ENTPD4: variants seen among roughly 807,000 people sequenced by gnomAD.
ENTPD4 encodes the protein Golgi UDPase.
Under a neutral mutation model 79.1 loss-of-function variants are expected in ENTPD4, and 60 were observed. The observed-to-expected ratio is 0.76, with a 90% CI of 0.62 to 0.94. The LOEUF is 0.94. Ranked by LOEUF, ENTPD4 falls within the 40% of genes least tolerant of loss-of-function variation. The pLI, the probability that ENTPD4 is intolerant of heterozygous loss-of-function variation, is 0.00. For missense variants in ENTPD4, 772 were observed against 775.1 expected (o/e 1.00, Z 0.05); for synonymous variants, 276 against 292.0 (o/e 0.95, Z 0.56).
At position 23,431,068 on chromosome 8, in the gene ENTPD4, AT is replaced by A; in HGVS notation, c.*1857del. ...AGCTCTTGCCTCAAGGATCAGATGC[AT>A]TTTACCTTCCAGAGACGCAGGTTAA... On this transcript the variant is annotated 3_prime_UTR_variant, in exon 13 of 13. Transcript: ENST00000358689. 1.3e-6 allele frequency: 1 copy of A among 781,840 alleles called. No individual in the cohort carries two copies. Among genetic ancestry groups the A allele is most frequent in the Non-Finnish European group, 1.6e-6 (1 of 644,216 alleles). 48.4% of individuals were successfully genotyped at this position (781,840 alleles called of 1,614,324 possible).
At chr8:23,435,235 G>C (rs1335329930) in intron 11 of ENTPD4, among the ~76,000 whole-genome samples, 157 bp downstream of exon 11, 2 of 152,192 alleles carry the variant, frequency 1.3e-5, no homozygotes. Flanking sequence ...ATATGTCTGG[G>C]CACAAGTATT....
rs555545460 is a variant in ENTPD4, at chr8:23,435,396, G to C, written c.1456C>G (p.Leu486Val). ...LYASHADLHR[L>V]KYQCFKSAWM... The stretch of plus-strand genomic sequence containing the variant: ...GCTTGACCTTCTAGTACTTACTTAA[G>C]CCTGTGGAGGTCAGCATGAGAGGCG... Residue 486 changes from leucine (L) to valine (V), a missense_variant, in exon 11 of 13, where the codon CTT becomes GTT. Transcript: ENST00000358689. 5 of 1,612,280 alleles carry C rather than the reference G, an allele frequency of 3.1e-6. No homozygotes were observed. The highest frequency in any genetic ancestry group is 1.7e-5 in the Admixed American group (1 of 60,006).
At chr8:23,450,608 T>A (rs532120436) in intron 1 of ENTPD4, among the ~76,000 whole-genome samples, 1 of 152,350 alleles carries the variant, frequency 6.6e-6, no homozygotes, top group African/African-American at 2.4e-5. Context: ...TCTCGTCTGG[T>A]CTGCTTCTGA....
chr8:23,440,303 G>T (rs936841595), intron 8 of ENTPD4, among the ~76,000 whole-genome samples: 3 of 152,146 alleles, frequency 2.0e-5, no homozygotes, highest in African/African-American at 7.2e-5. Flanking sequence ...GCAAGGGAAG[G>T]TTAGTTACAG....
intron 4 of ENTPD4, among the ~76,000 whole-genome samples, chr8:23,444,985 T>G (rs1014443996): frequency 6.6e-6 from 1 of 152,138 alleles, no homozygotes; most frequent in Non-Finnish European, 1.5e-5. Flanking sequence ...CAGCACTCAT[T>G]AGCCTCCAGG....
rs1183236446 is a variant in ENTPD4, at chr8:23,430,284, G to A, written c.*2642C>T. On this transcript the variant is annotated 3_prime_UTR_variant, in exon 13 of 13. Transcript: ENST00000358689. ...GTGGTCTCTTTTTAAACAATTTTGG[G>A]TGAGGGGCAGGTTTCTTGGTTTGTT... 6 of 985,312 alleles carry A rather than the reference G, an allele frequency of 6.1e-6. No homozygotes were observed. The highest frequency in any genetic ancestry group is 6.1e-5 in the Admixed American group (1 of 16,264). 61.0% of individuals were successfully genotyped at this position (985,312 alleles called of 1,614,324 possible). A position where few individuals can be genotyped will look rare whatever the true frequency, so the allele number is the denominator to read the frequency against.
chr8:23,444,876 G>A (rs537687013), intron 4 of ENTPD4, among the ~76,000 whole-genome samples: 6 of 152,164 alleles, frequency 3.9e-5, no homozygotes, highest in Admixed American at 3.3e-4. Context: ...GCCTGCCCTC[G>A]AGAAACGTGC....
rs1373290551 is a variant in ENTPD4, at chr8:23,430,753, A to T, written c.*2173T>A. 2 of 985,556 alleles carry T rather than the reference A, an allele frequency of 2.0e-6. No individual in the cohort carries two copies. 61.1% of individuals were successfully genotyped at this position (985,556 alleles called of 1,614,324 possible). A position where few individuals can be genotyped will look rare whatever the true frequency, so the allele number is the denominator to read the frequency against. ...TAACTCCCTGGGTGCCCACCTGCCC[A>T]CTTCAACCATTTGTGGCCCCTTCCT... On this transcript the variant is annotated 3_prime_UTR_variant, in exon 13 of 13. Coordinates refer to ENST00000358689, the MANE Select transcript of ENTPD4 (RefSeq NM_004901.5).
chr8:23,448,862 G>T lies in ENTPD4; in HGVS notation c.86C>A (p.Thr29Asn). Residue 29 changes from threonine (T) to asparagine (N), a missense_variant, in exon 3 of 13, where the codon ACC becomes AAC. Thr to Asn is a moderately conservative substitution (Grantham distance 65). Transcript: ENST00000358689. ...AATGACCATAATTTGGCGTAAATTGGTATTCAGAATTCGAGGACACCCTAC... is the reference window on the plus strand; with the variant it reads ...AATGACCATAATTTGGCGTAAATTGTTATTCAGAATTCGAGGACACCCTAC... ...SPVGCPRILN[T>N]NLRQIMVISV... The T allele has an allele frequency of 6.2e-7, 1 of 1,614,034 alleles. No individual in the cohort carries two copies. Among genetic ancestry groups the T allele is most frequent in the Admixed American group, 1.7e-5 (1 of 60,022 alleles).
Position 23,444,561 on chromosome 8 carries a change from A to C in ENTPD4, c.458T>G (p.Ile153Ser). 6.2e-7 allele frequency: 1 copy of C among 1,614,200 alleles called. No homozygotes were observed. The highest frequency in any genetic ancestry group is 8.5e-7 in the Non-Finnish European group (1 of 1,179,998). ...TGCAGCAAAGTTCAAAAGTGGAGAA[A>C]TGTAATCACTGACTTTCTCTGGAGA... Reference protein sequence around the residue: ...ATSPEKVSDYISPLLNFAAEH... With the variant: ...ATSPEKVSDYSSPLLNFAAEH... The change falls in exon 5 of 13, where the codon ATT becomes AGT. Residue 153 changes from isoleucine to serine, a missense_variant. Transcript: ENST00000358689.
In ENTPD4 at chr8:23,441,618, T is replaced by G; in HGVS notation, c.833A>C (p.Gln278Pro). ...AGTTTTGGGGACTTCGTACGCTATC[T>G]GAGTCGACACGCCGCCCATGTCGAG... ...GILDMGGVSTQIAYEVPKTVS... is the reference protein window; with the variant it reads ...GILDMGGVSTPIAYEVPKTVS... The change falls in exon 8 of 13, where the codon CAG (glutamine) becomes CCG (proline). Residue 278 changes from glutamine to proline, a missense_variant. Gln to Pro is a moderately conservative substitution (Grantham distance 76). Transcript: ENST00000358689. The G allele has an allele frequency of 6.2e-7, 1 of 1,614,232 alleles. No homozygotes were observed. Among genetic ancestry groups the G allele is most frequent in the South Asian group, 1.1e-5 (1 of 91,092 alleles).
Position 23,433,131 on chromosome 8 carries a change from C to G in ENTPD4, c.1646G>C (p.Arg549Pro), listed in dbSNP as rs771406410. The G allele has an allele frequency of 6.2e-7, 1 of 1,614,132 alleles. No homozygotes were observed. The change falls in exon 13 of 13, where the codon CGA becomes CCA. Residue 549 changes from arginine (R) to proline (P), a missense_variant. Arg to Pro is a moderately radical substitution (Grantham distance 103). Coordinates refer to ENST00000358689, the MANE Select transcript of ENTPD4 (RefSeq NM_004901.5). ...PLRDIQQEAFRASHTHWRGVS... is the reference protein window; with the variant it reads ...PLRDIQQEAFPASHTHWRGVS... ...GCCCCGCCAGTGGGTGTGACTGGCT[C>G]GGAAGGCCTCCTGCTGGATGTCTCT...
At chr8:23,434,619 C>T (rs1353448622) in intron 11 of ENTPD4, 141 bp from the exon 12 acceptor site, 45 of 1,468,040 alleles carry the variant, frequency 3.1e-5, no homozygotes, top group East Asian at 1.7e-4. Context: ...AAACCAACTG[C>T]GCGCGTTTCA....
chr8:23,443,020 T>C (rs1800700974), intron 6 of ENTPD4, among the ~76,000 whole-genome samples: 1 of 152,186 alleles, frequency 6.6e-6, no homozygotes, highest in Admixed American at 6.5e-5. Flanking sequence ...CAACCTGTCC[T>C]GAGTCAAGTC....
At chr8:23,440,384 T>A (rs556799408) in intron 8 of ENTPD4, among the ~76,000 whole-genome samples, 23 of 152,028 alleles carry the variant, frequency 1.5e-4, no homozygotes, top group Non-Finnish European at 2.9e-4. Context: ...TAAACTAAGA[T>A]TATAACAACC....
chr8:23,431,361 G>A lies in ENTPD4; in HGVS notation c.*1565C>T, dbSNP rs900837346. The A allele has an allele frequency of 8.1e-6, 8 of 985,200 alleles. No homozygotes were observed. Among genetic ancestry groups the A allele is most frequent in the Middle Eastern group, 5.2e-4 (1 of 1,934 alleles). The allele number at this position is 985,200 out of a possible 1,614,324, so 61.0% of individuals were successfully genotyped here. A position where few individuals can be genotyped will look rare whatever the true frequency, so the allele number is the denominator to read the frequency against. On this transcript the variant is annotated 3_prime_UTR_variant, in exon 13 of 13. Coordinates refer to ENST00000358689, the MANE Select transcript of ENTPD4 (RefSeq NM_004901.5). ...GGAATTTAACTGTTCTGGAGTTAGG[G>A]AACAGCACACACAGACACTCGCACA...
Position 23,432,965 on chromosome 8 carries a change from C to A in ENTPD4, c.1812G>T (p.Glu604Asp). ...RSSSAAALWM[E>D]EGLPAQNAPG... ...GGGCATTCTGGGCGGGAAGGCCCTC[C>A]TCCATCCAGAGGGCGGCGGCCGAGC... Residue 604 changes from glutamate to aspartate, a missense_variant, in exon 13 of 13, where the codon GAG becomes GAT. Transcript: ENST00000358689. 1 of 1,612,572 alleles carries A rather than the reference C, an allele frequency of 6.2e-7. No homozygotes were observed. Among genetic ancestry groups the A allele is most frequent in the South Asian group, 1.1e-5 (1 of 90,900 alleles).
At chr8:23,437,597 C>G (rs1216782943) in intron 9 of ENTPD4, among the ~76,000 whole-genome samples, 2 of 152,138 alleles carry the variant, frequency 1.3e-5, no homozygotes, top group African/African-American at 2.4e-5. Context: ...TGCACTAGTG[C>G]TTGTGGTTTT....
Position 23,430,276 on chromosome 8 carries a change from A to T in ENTPD4, c.*2650T>A. ...TCCCTTGAGTGGTCTCTTTTTAAAC[A>T]ATTTTGGGTGAGGGGCAGGTTTCTT... On this transcript the variant is annotated 3_prime_UTR_variant, in exon 13 of 13. Coordinates refer to ENST00000358689, the MANE Select transcript of ENTPD4 (RefSeq NM_004901.5). The T allele has an allele frequency of 1.0e-6, 1 of 985,414 alleles. No individual in the cohort carries two copies. The highest frequency in any genetic ancestry group is 4.7e-5 in the South Asian group (1 of 21,288). The allele number at this position is 985,414 out of a possible 1,614,324, so 61.0% of individuals were successfully genotyped here.
Sources: gnomAD v4.1 joint callset for allele counts (sites outside exome capture counted in the v4.1 genomes callset) on GRCh38, gnomAD v4.1.1 for gene constraint, MANE v1.5 for transcripts, NCBI Gene and HGNC (gene_info 2026-07-23, HGNC 2026-07-21) for gene names.